Variants in GPATCH2 observed in about 807,000 individuals in gnomAD.
The protein encoded by GPATCH2 is G-patch domain containing 2.
GPATCH2 carries 51 observed loss-of-function variants against 58.0 expected under a neutral mutation model. The observed-to-expected ratio is 0.88, with a 90% CI of 0.70 to 1.11. GPATCH2 has a LOEUF of 1.11. Among genes scored for constraint, GPATCH2 ranks in the 50% most tolerant of loss-of-function variants. The probability of loss-of-function intolerance (pLI) is 0.00; values close to 1 mark genes in which losing one functional copy is unlikely to be tolerated. For missense variants in GPATCH2, 625 were observed against 652.2 expected (o/e 0.96, Z 0.45); for synonymous variants, 222 against 218.5 (o/e 1.02, Z -0.14).
At chr1:217,568,802 G>A (rs944139588) in intron 5 of GPATCH2, among the ~76,000 whole-genome samples, 1 of 152,140 alleles carries the variant, frequency 6.6e-6, no homozygotes, top group Non-Finnish European at 1.5e-5. Flanking sequence ...CTGAGTATAG[G>A]AATGATGAGA....
At chr1:217,479,144 A>G (rs1371021181) in intron 8 of GPATCH2, among the ~76,000 whole-genome samples, 2 of 152,198 alleles carry the variant, frequency 1.3e-5, no homozygotes, top group East Asian at 3.8e-4. Flanking sequence ...GAGTTTTTCA[A>G]TCTGAAAGAA....
At chr1:217,446,215 C>A (rs1558397044) in intron 9 of GPATCH2, among the ~76,000 whole-genome samples, 1 of 151,962 alleles carries the variant, frequency 6.6e-6, no homozygotes, top group African/African-American at 2.4e-5. Context: ...TGACTAAAGG[C>A]AAAAGAAACT....
chr1:217,496,971 TA>T (rs924751233), intron 7 of GPATCH2, among the ~76,000 whole-genome samples: 8 of 151,550 alleles, frequency 5.3e-5, no homozygotes, highest in African/African-American at 1.5e-4. Context: ...TTTAAAAAGA[TA>T]AAAAAAAATT....
intron 5 of GPATCH2, among the ~76,000 whole-genome samples, chr1:217,592,387 G>A (rs1667633513): frequency 2.0e-5 from 3 of 151,982 alleles, no homozygotes; most frequent in Non-Finnish European, 4.4e-5. Context: ...GAAAGTAGAT[G>A]GCTTCTCACT....
At chr1:217,630,804 C>T (rs1321345333) in intron 1 of GPATCH2, 112 bp downstream of exon 1, 9 of 758,606 alleles carry the variant, frequency 1.2e-5, no homozygotes, top group African/African-American at 1.7e-5. Flanking sequence ...GCCTAGATGT[C>T]TTCAGATCAT....
At position 217,431,289 on chromosome 1, in the gene GPATCH2, C is replaced by A. The variant is rs752558720; in HGVS notation, c.1443G>T (p.Thr481=). 2 of 1,607,062 alleles carry A rather than the reference C, an allele frequency of 1.2e-6. No homozygotes were observed. Among genetic ancestry groups the A allele is most frequent in the Non-Finnish European group, 1.7e-6 (2 of 1,173,656 alleles). ...GNRMLQNMGW[T]PGSGLGRDGK... is the part of the protein sequence containing the mutation. ...CATCTCGTCCAAGGCCTGACCCAGG[C>A]GTCCAGCCCATATTCTGAAGCATTC... Residue 481 remains threonine, a synonymous_variant, in exon 10 of 10, where the codon ACG becomes ACT. Transcript: ENST00000366935.
intron 9 of GPATCH2, among the ~76,000 whole-genome samples, chr1:217,439,595 A>G (rs192508588): frequency 7.6e-4 from 115 of 152,280 alleles, no homozygotes; most frequent in African/African-American, 2.7e-3. Context: ...TTGTTTGAAA[A>G]CATTAACAAA....
intron 5 of GPATCH2, among the ~76,000 whole-genome samples, chr1:217,516,433 A>C (rs1022107727): frequency 2.0e-5 from 3 of 152,354 alleles, no homozygotes; most frequent in African/African-American, 7.2e-5. Flanking sequence ...ACAGATGATG[A>C]CATTAATAAC....
intron 8 of GPATCH2, among the ~76,000 whole-genome samples, chr1:217,481,872 AAAAC>A (rs1449159118): frequency 4.6e-5 from 7 of 152,246 alleles, no homozygotes; most frequent in South Asian, 2.1e-4. Context: ...AAAAGCCCAA[AAAAC>A]AAACAAACAA....
At chr1:217,603,085 G>A (rs1013554753) in intron 5 of GPATCH2, among the ~76,000 whole-genome samples, 3 of 152,022 alleles carry the variant, frequency 2.0e-5, no homozygotes, top group Non-Finnish European at 4.4e-5. Context: ...TAAATAGCCT[G>A]TAGAAAAGTG....
intron 8 of GPATCH2, among the ~76,000 whole-genome samples, chr1:217,475,134 G>A (rs1021105438): frequency 1.3e-5 from 2 of 152,078 alleles, no homozygotes; most frequent in Admixed American, 1.3e-4. Flanking sequence ...GATATGAAAG[G>A]AATGTTCAAA....
chr1:217,538,399 T>G (rs939932972), intron 5 of GPATCH2, among the ~76,000 whole-genome samples: 4 of 152,232 alleles, frequency 2.6e-5, no homozygotes, highest in African/African-American at 9.6e-5. Flanking sequence ...TGGCAGAATT[T>G]TCTTTAACAA....
At chr1:217,622,546 G>A (rs1389864505) in intron 1 of GPATCH2, among the ~76,000 whole-genome samples, 1 of 152,006 alleles carries the variant, frequency 6.6e-6, no homozygotes, top group East Asian at 1.9e-4. Context: ...ACAACTCAGG[G>A]TTTTTTTGTT....
At chr1:217,548,802 C>T (rs1411964831) in intron 5 of GPATCH2, among the ~76,000 whole-genome samples, 2 of 152,196 alleles carry the variant, frequency 1.3e-5, no homozygotes, top group East Asian at 3.9e-4. Flanking sequence ...TCATTCTCTC[C>T]CCTGCTGCCC....
intron 5 of GPATCH2, among the ~76,000 whole-genome samples, chr1:217,607,699 T>C (rs770356178): frequency 1.3e-4 from 20 of 152,210 alleles, no homozygotes; most frequent in Non-Finnish European, 2.9e-4. Context: ...CAGTATTCCC[T>C]AATTCAATGT....
chr1:217,575,030 G>A (rs1180653826), intron 5 of GPATCH2, among the ~76,000 whole-genome samples: 1 of 152,154 alleles, frequency 6.6e-6, no homozygotes, highest in Non-Finnish European at 1.5e-5. Context: ...TCTGAGAAGT[G>A]ATTTAGGTCT....
intron 5 of GPATCH2, among the ~76,000 whole-genome samples, chr1:217,597,602 C>T (rs1237029353): frequency 3.3e-5 from 5 of 152,110 alleles, no homozygotes; most frequent in Non-Finnish European, 5.9e-5. Context: ...TATATTACAA[C>T]TTCTACCCTA....
At chr1:217,612,024 T>TTA (rs1240004639) in intron 3 of GPATCH2, among the ~76,000 whole-genome samples, 1 of 151,582 alleles carries the variant, frequency 6.6e-6, no homozygotes, top group East Asian at 1.9e-4. Flanking sequence ...TACAAAAAGA[T>TTA]TAAAAATTAG....
Position 217,529,076 on chromosome 1 carries a change from C to A in GPATCH2, c.1099-14187G>T, listed in dbSNP as rs187410255. ...GCATGGATCTGAGGTAAAAGATTCC[C>A]CTATAATTACCCCCAGGACACATAA... On this transcript the variant is annotated intron_variant, in intron 5 of 9. Coordinates refer to ENST00000366935, the MANE Select transcript of GPATCH2 (RefSeq NM_018040.5). 3.6e-3 allele frequency among the ~76,000 whole-genome samples: 546 copies of A among 152,140 alleles called. 4 individuals carry two copies. The highest frequency in any genetic ancestry group is 0.012 in the African/African-American group (500 of 41,498).
Sources: gnomAD v4.1 joint callset for allele counts (sites outside exome capture counted in the v4.1 genomes callset) on GRCh38, gnomAD v4.1.1 for gene constraint, MANE v1.5 for transcripts, NCBI Gene and HGNC (gene_info 2026-07-23, HGNC 2026-07-21) for gene names.